Variants in IPO5 observed in about 807,000 individuals in gnomAD.
IPO5 encodes the protein importin 5.
IPO5 carries 18 observed loss-of-function variants against 143.3 expected under a neutral mutation model. The observed-to-expected ratio is 0.13, with a 90% CI of 0.09 to 0.19. IPO5 has a LOEUF of 0.19. IPO5 is among the 10% of genes least tolerant of loss of function. The pLI is 1.00. For synonymous variants in IPO5, 477 were observed against 465.7 expected, an observed-to-expected ratio of 1.02 and a Z score of -0.31; for missense variants, 1,013 against 1,336.9, an observed-to-expected ratio of 0.76 and a Z score of 3.78.
chr13:97,960,599 C>T (rs1429354284), intron 2 of IPO5, among the ~76,000 whole-genome samples: 1 of 150,662 alleles, frequency 6.6e-6, no homozygotes, highest in Admixed American at 6.6e-5. Flanking sequence ...ACCCTTGTCA[C>T]CCAGGCTGGA....
At chr13:97,990,970 A>G (rs940283027) in intron 9 of IPO5, among the ~76,000 whole-genome samples, 3 of 152,182 alleles carry the variant, frequency 2.0e-5, no homozygotes. Flanking sequence ...TTTTAAGAAT[A>G]CTTTCTGCTT....
At chr13:97,994,536 C>T (rs1888075559) in intron 11 of IPO5, among the ~76,000 whole-genome samples, 1 of 152,096 alleles carries the variant, frequency 6.6e-6, no homozygotes, top group Admixed American at 6.5e-5. Flanking sequence ...ATGTACAAGA[C>T]ATATGGGAAA....
chr13:97,969,817 GA>G lies in IPO5; in HGVS notation c.-14del. 1.4e-5 allele frequency: 22 copies of G among 1,611,906 alleles called. No homozygotes were observed. The highest frequency in any genetic ancestry group is 1.8e-5 in the Non-Finnish European group (21 of 1,178,448). On this transcript the variant is annotated 5_prime_UTR_variant, in exon 3 of 29. An upstream open reading frame in the 5' UTR gains an earlier in-frame stop. Coordinates refer to ENST00000651721, the MANE Select transcript of IPO5 (RefSeq NM_002271.6). Reference sequence around the variant, plus strand: ...TCAAGTTGGAAAACTAGAAGCAACAGAAAACACAATAAGGTAACTGATTTCA... The same window carrying G: ...TCAAGTTGGAAAACTAGAAGCAACAGAAACACAATAAGGTAACTGATTTCA...
At chr13:97,976,440 T>C (rs1886318826) in intron 3 of IPO5, 1 of 150,960 alleles carries the variant, frequency 6.6e-6, no homozygotes, top group East Asian at 2.0e-4. Context: ...CGAGGAGGCG[T>C]CCTCGGCCCC....
intron 3 of IPO5, among the ~76,000 whole-genome samples, chr13:97,973,618 A>C (rs989589047): frequency 1.3e-5 from 2 of 152,154 alleles, no homozygotes; most frequent in African/African-American, 4.8e-5. Flanking sequence ...CATTAACCTT[A>C]AAATTCTTCT....
At chr13:98,007,962 T>G in intron 17 of IPO5, 97 bp from the exon 18 acceptor site, 1 of 671,624 alleles carries the variant, frequency 1.5e-6, no homozygotes, top group Non-Finnish European at 2.7e-6. Context: ...TTATGACCTA[T>G]GTGGGCAATG....
chr13:98,005,337 C>CTTCCGG (rs1889138819), intron 16 of IPO5, among the ~76,000 whole-genome samples: 1 of 151,272 alleles, frequency 6.6e-6, no homozygotes, highest in Non-Finnish European at 1.5e-5. Flanking sequence ...AATGGGATTA[C>CTTCCGG]AGGGGTGTGC....
chr13:98,015,789 A>T lies in IPO5; in HGVS notation c.2493+8A>T. The T allele has an allele frequency of 6.3e-7, 1 of 1,589,858 alleles. No individual in the cohort carries two copies. Among genetic ancestry groups the T allele is most frequent in the Non-Finnish European group, 8.6e-7 (1 of 1,166,396 alleles). On this transcript the variant is annotated splice_region_variant and intron_variant, in intron 24 of 28. Transcript: ENST00000651721. ...GAGTCACTACAAGATGAGGTAAGTTATTCCCTTTGGAACTTACTTACGTGA... is the reference window on the plus strand; with the variant it reads ...GAGTCACTACAAGATGAGGTAAGTTTTTCCCTTTGGAACTTACTTACGTGA...
intron 2 of IPO5, among the ~76,000 whole-genome samples, chr13:97,959,473 T>C (rs1315339360): frequency 6.6e-6 from 1 of 152,028 alleles, no homozygotes; most frequent in Non-Finnish European, 1.5e-5. Context: ...CTCACGCCTA[T>C]AATCCCAGCA....
Position 98,002,858 on chromosome 13 carries a change from T to A in IPO5, c.1324-6T>A. ...ACATGTGTGCCCATTTGGTTTCATT[T>A]CACAGGTGATTGCAGCTCTGCTGCA... On this transcript the variant is annotated splice_region_variant and splice_polypyrimidine_tract_variant and intron_variant, in intron 15 of 28. Transcript: ENST00000651721. 6.2e-7 allele frequency: 1 copy of A among 1,608,670 alleles called. No individual in the cohort carries two copies. Among genetic ancestry groups the A allele is most frequent in the Non-Finnish European group, 8.5e-7 (1 of 1,177,752 alleles).
intron 2 of IPO5, among the ~76,000 whole-genome samples, chr13:97,962,003 C>G (rs977866639): frequency 1.3e-5 from 2 of 152,100 alleles, no homozygotes; most frequent in Non-Finnish European, 2.9e-5. Context: ...GGGGCGCACA[C>G]CTGTAATCCC....
intron 25 of IPO5, among the ~76,000 whole-genome samples, chr13:98,017,696 T>A (rs558206133): frequency 1.1e-4 from 17 of 152,354 alleles, no homozygotes; most frequent in African/African-American, 4.1e-4. Flanking sequence ...GTGCATGGCC[T>A]CAGCACCATT....
At chr13:97,978,364 A>G (rs534029331) in intron 4 of IPO5, among the ~76,000 whole-genome samples, 2 of 152,224 alleles carry the variant, frequency 1.3e-5, no homozygotes, top group African/African-American at 4.8e-5. Flanking sequence ...ATATGGATAG[A>G]TATTTATATA....
chr13:97,962,427 C>T (rs554516585), intron 2 of IPO5, among the ~76,000 whole-genome samples: 1 of 152,250 alleles, frequency 6.6e-6, no homozygotes, highest in Admixed American at 6.5e-5. Flanking sequence ...TTCATTCTAA[C>T]GCATGTGGAT....
chr13:97,965,914 C>T (rs539061297), intron 2 of IPO5, among the ~76,000 whole-genome samples: 14 of 151,890 alleles, frequency 9.2e-5, no homozygotes, highest in South Asian at 4.2e-4. Flanking sequence ...CCGAGGCAGG[C>T]GGATCATGAG....
At chr13:97,961,758 AT>A (rs554865083) in intron 2 of IPO5, among the ~76,000 whole-genome samples, 2 of 152,034 alleles carry the variant, frequency 1.3e-5, no homozygotes, top group African/African-American at 4.8e-5. Context: ...TGTTTTACCC[AT>A]TTTTTTAATT....
At position 97,956,065 on chromosome 13, in the gene IPO5, G is replaced by C. The variant is rs1287713356; in HGVS notation, c.-113+1867G>C. 2.0e-5 allele frequency among the ~76,000 whole-genome samples: 3 copies of C among 151,078 alleles called. No homozygotes were observed. In the East Asian group the frequency reaches 5.8e-4, roughly 29 times the overall value. On this transcript the variant is annotated intron_variant, in intron 2 of 28. Transcript: ENST00000651721. ...GACAATGGCGTGAACCCGGGAGGTGGAGCTTGCAGTGAGCCAAGATCGCGC... is the reference window on the plus strand; with the variant it reads ...GACAATGGCGTGAACCCGGGAGGTGCAGCTTGCAGTGAGCCAAGATCGCGC...
chr13:97,987,470 A>G (rs2139674416), intron 6 of IPO5, among the ~76,000 whole-genome samples: 1 of 152,254 alleles, frequency 6.6e-6, no homozygotes, highest in Non-Finnish European at 1.5e-5. Flanking sequence ...TCTTATGTCA[A>G]CCATTTCTTA....
In IPO5 at chr13:97,985,157, A is replaced by G. The variant is rs1370749578; in HGVS notation, c.172-264A>G. Among the ~76,000 whole-genome samples the G allele has an allele frequency of 2.0e-5, 3 of 152,342 alleles. No individual in the cohort carries two copies. The East Asian group carries it at 5.8e-4, about 29-fold the overall frequency. On this transcript the variant is annotated intron_variant, in intron 5 of 28. Coordinates refer to ENST00000651721, the MANE Select transcript of IPO5 (RefSeq NM_002271.6). ...TTCTCCCAAATAATGTGTTAAAAAC[A>G]GGGATTAAAGACAGGTTTATCATTG...
Sources: allele counts gnomAD v4.1 joint callset (sites outside exome capture counted in the v4.1 genomes callset), GRCh38; gene constraint gnomAD v4.1.1; transcripts MANE v1.5; gene names NCBI Gene and HGNC (gene_info 2026-07-23, HGNC 2026-07-21).